The following MROH9 variants were observed in gnomAD, a reference collection of about 807,000 sequenced individuals.
The protein encoded by MROH9 is maestro heat like repeat family member 9.
In MROH9, 92 loss-of-function variants were observed where a neutral mutation model predicts 98.2. That is an observed-to-expected ratio of 0.94 (90% CI 0.79 to 1.11). The LOEUF (loss-of-function observed/expected upper bound fraction) is 1.11, where lower values mean the gene tolerates loss of function less well. Ranked by LOEUF, MROH9 falls within the 50% of genes most tolerant of loss-of-function variation. MROH9 has a pLI of 0.00. For missense variants in MROH9, 1,057 were observed against 1,014.8 expected (o/e 1.04, Z -0.57); for synonymous variants, 397 against 368.9 (o/e 1.08, Z -0.87).
chr1:171,039,262 G>T (rs57820361), intron 20 of MROH9, among the ~76,000 whole-genome samples: 3,831 of 152,202 alleles, frequency 0.025, 164 homozygotes, highest in African/African-American at 0.087. Context: ...TTCATTTGGT[G>T]GTAACATTGT....
Position 170,945,214 on chromosome 1 carries a change from A to T in MROH9, c.-37-306A>T, listed in dbSNP as rs545327850. 3.3e-5 allele frequency among the ~76,000 whole-genome samples: 5 copies of T among 152,082 alleles called. No individual in the cohort carries two copies. The South Asian group carries it at 1.0e-3, about 32-fold the overall frequency. ...CTCAAACAATTGAATTTTGCCAACA[A>T]TCTAATTGACCTGGAAAGAGAACTC... On this transcript the variant is annotated intron_variant, in intron 1 of 21. Coordinates refer to ENST00000367759, the MANE Select transcript of MROH9 (RefSeq NM_001163629.2).
At chr1:171,056,426 G>C (rs577478840) in intron 20 of MROH9, among the ~76,000 whole-genome samples, 79 of 152,304 alleles carry the variant, frequency 5.2e-4, no homozygotes, top group African/African-American at 1.9e-3. Flanking sequence ...TCCTCACTGG[G>C]TGGGGCTTCC....
At chr1:171,003,562 G>A (rs1372828139) in intron 15 of MROH9, among the ~76,000 whole-genome samples, 1 of 152,176 alleles carries the variant, frequency 6.6e-6, no homozygotes, top group Non-Finnish European at 1.5e-5. Flanking sequence ...GCTGGTACTG[G>A]GGGTTGTCTG....
intron 1 of MROH9, among the ~76,000 whole-genome samples, chr1:170,936,726 T>C (rs1648899629): frequency 6.6e-6 from 1 of 152,078 alleles, no homozygotes; most frequent in Admixed American, 6.6e-5. Flanking sequence ...TGTTGAAATG[T>C]AGTGGGATTG....
At position 171,024,303 on chromosome 1, in the gene MROH9, GGT is replaced by G. The variant is rs3077629; in HGVS notation, c.1909-65_1909-64del. ...ATACATATATAGTATATTTATATGG[GGT>G]GTGTGTGTGTGTGTGTGTGTGTGTG... On this transcript the variant is annotated intron_variant, in intron 17 of 21. Transcript: ENST00000367759. 6,552 of 660,198 alleles carry G rather than the reference GGT, an allele frequency of 9.9e-3. 9 individuals carry two copies. The highest frequency in any genetic ancestry group is 0.02 in the East Asian group (648 of 32,964). 40.9% of individuals were successfully genotyped at this position (660,198 alleles called of 1,614,324 possible). A position where few individuals can be genotyped will look rare whatever the true frequency, so the allele number is the denominator to read the frequency against.
At chr1:170,990,078 AAC>A in intron 11 of MROH9, 75 bp downstream of exon 11, 1 of 1,438,586 alleles carries the variant, frequency 7.0e-7, no homozygotes, top group Non-Finnish European at 9.4e-7. Context: ...ACCTGGGTTC[AAC>A]TCTCAATCTA....
chr1:171,055,115 G>A (rs888522435), intron 20 of MROH9, among the ~76,000 whole-genome samples: 2 of 151,694 alleles, frequency 1.3e-5, no homozygotes, highest in African/African-American at 2.4e-5. Context: ...TGGCCTAAAT[G>A]TCCGTCAATC....
At chr1:170,959,171 C>T (rs1649907906) in intron 4 of MROH9, among the ~76,000 whole-genome samples, 2 of 151,958 alleles carry the variant, frequency 1.3e-5, no homozygotes, top group African/African-American at 2.4e-5. Flanking sequence ...GTCAGGAGAT[C>T]GAGACCATCC....
intron 20 of MROH9, among the ~76,000 whole-genome samples, chr1:171,037,487 A>G (rs72710584): frequency 0.15 from 23,139 of 151,958 alleles, 1,931 homozygotes; most frequent in Middle Eastern, 0.29. Flanking sequence ...TATAAACCCT[A>G]TTTTAGGAAA....
At chr1:171,005,684 T>C (rs1441227225) in intron 15 of MROH9, among the ~76,000 whole-genome samples, 1 of 151,970 alleles carries the variant, frequency 6.6e-6, no homozygotes, top group Non-Finnish European at 1.5e-5. Context: ...GTCATTATGG[T>C]TTTTTTTACA....
intron 8 of MROH9, among the ~76,000 whole-genome samples, chr1:170,978,599 G>A (rs1037134735): frequency 6.6e-6 from 1 of 152,160 alleles, no homozygotes; most frequent in Non-Finnish European, 1.5e-5. Context: ...CCTAGCCCAA[G>A]GGCTGCTAAG....
At chr1:171,018,853 GA>G (rs1340609963) in intron 17 of MROH9, among the ~76,000 whole-genome samples, 4 of 151,936 alleles carry the variant, frequency 2.6e-5, no homozygotes, top group South Asian at 2.1e-4. Context: ...CAATATTAGA[GA>G]AAAAAAGAAT....
intron 20 of MROH9, among the ~76,000 whole-genome samples, chr1:171,026,842 A>G (rs977595804): frequency 6.6e-6 from 1 of 152,226 alleles, no homozygotes; most frequent in Non-Finnish European, 1.5e-5. Flanking sequence ...TAAAATGAAG[A>G]TCTAAAGTAT....
intron 8 of MROH9, among the ~76,000 whole-genome samples, 200 bp from the exon 9 acceptor site, chr1:170,983,222 C>G (rs573162421): frequency 6.6e-6 from 1 of 152,342 alleles, no homozygotes; most frequent in Admixed American, 6.5e-5. Context: ...TCATATGTCA[C>G]ATGGACTCTC....
chr1:170,957,037 G>A (rs997272566), intron 3 of MROH9, among the ~76,000 whole-genome samples: 1 of 123,462 alleles, frequency 8.1e-6, no homozygotes, highest in Non-Finnish European at 1.7e-5. Context: ...TTTTGCCATT[G>A]AATCATGAGT....
intron 20 of MROH9, among the ~76,000 whole-genome samples, chr1:171,058,585 C>T (rs1653920448): frequency 6.6e-6 from 1 of 152,152 alleles, no homozygotes. Context: ...CATCATGTTA[C>T]CTGACTTTAT....
chr1:171,036,603 C>CTATTATT (rs1653105831), intron 20 of MROH9, among the ~76,000 whole-genome samples: 1 of 151,712 alleles, frequency 6.6e-6, no homozygotes, highest in South Asian at 2.1e-4. Context: ...GTTTATTGCC[C>CTATTATT]TATTATTAGT....
chr1:170,966,043 A>C (rs1219938245), intron 7 of MROH9, among the ~76,000 whole-genome samples: 1 of 152,136 alleles, frequency 6.6e-6, no homozygotes, highest in African/African-American at 2.4e-5. Flanking sequence ...CAAACAATAC[A>C]AAACAGGCAT....
chr1:171,012,694 G>A (rs1161446385), intron 15 of MROH9, among the ~76,000 whole-genome samples: 1 of 151,698 alleles, frequency 6.6e-6, no homozygotes, highest in Non-Finnish European at 1.5e-5. Flanking sequence ...TAGTAGAGAC[G>A]GGGTTTCACC....
Sources: gnomAD v4.1 joint callset for allele counts (sites outside exome capture counted in the v4.1 genomes callset) on GRCh38, gnomAD v4.1.1 for gene constraint, MANE v1.5 for transcripts, NCBI Gene and HGNC (gene_info 2026-07-23, HGNC 2026-07-21) for gene names.